THEM4: variants seen among roughly 807,000 people sequenced by gnomAD.
The protein encoded by THEM4 is thioesterase superfamily member 4.
A neutral mutation model predicts 25.0 loss-of-function variants in THEM4; 22 were observed. The ratio of observed to expected loss-of-function variants is 0.88; its 90% confidence interval spans 0.63 to 1.26. The LOEUF is 1.26. Among genes scored for constraint, THEM4 ranks in the 50% most tolerant of loss-of-function variants. The pLI is 0.00. For missense variants in THEM4, 286 were observed against 300.3 expected (o/e 0.95, Z 0.35); for synonymous variants, 113 against 105.6 (o/e 1.07, Z -0.43).
rs183978296 is a variant in THEM4, at chr1:151,877,089, G to C, written c.594C>G (p.Ser198Arg). Residue 198 changes from serine to arginine, a missense_variant, in exon 5 of 6, where the codon AGC becomes AGG. By Grantham distance (110) the Ser-to-Arg change is moderately radical (BLOSUM62 -1). Coordinates refer to ENST00000368814, the MANE Select transcript of THEM4 (RefSeq NM_053055.5). The stretch of plus-strand genomic sequence containing the variant: ...TCCTTCCTTCAACTTTATCAAGTTG[G>C]CTATTTATCATAACAACAGAACAAA... Reference protein sequence around the residue: ...IPLCSVVMINSQLDKVEGRKF... With the variant: ...IPLCSVVMINRQLDKVEGRKF... The C allele has an allele frequency of 6.2e-7, 1 of 1,613,360 alleles. No homozygotes were observed. The highest frequency in any genetic ancestry group is 2.2e-5 in the East Asian group (1 of 44,870).
chr1:151,898,902 A>T (rs900091784), intron 1 of THEM4, among the ~76,000 whole-genome samples: 3 of 152,268 alleles, frequency 2.0e-5, no homozygotes, highest in African/African-American at 7.2e-5. Context: ...CTACATCAGC[A>T]GAACACCCTG....
chr1:151,908,876 G>C (rs1260431960), intron 1 of THEM4, among the ~76,000 whole-genome samples: 11 of 152,108 alleles, frequency 7.2e-5, no homozygotes, highest in Non-Finnish European at 1.3e-4. Context: ...TCTTCTGCCT[G>C]TCTGTGTAGT....
chr1:151,909,448 C>A lies in THEM4; in HGVS notation c.11G>T (p.Ser4Ile). ...CAGCGTGCGGAGGCGCGCGGCGCAG[C>A]TCCTCAGCATGGCTCCGGGCCGCGG... MLR[S>I]CAARLRTLGA... The change falls in exon 1 of 6, where the codon AGC becomes ATC. Residue 4 changes from serine to isoleucine, a missense_variant. By Grantham distance (142) the Ser-to-Ile change is moderately radical (BLOSUM62 -2). Coordinates refer to ENST00000368814, the MANE Select transcript of THEM4 (RefSeq NM_053055.5). 1 of 1,444,834 alleles carries A rather than the reference C, an allele frequency of 6.9e-7. No homozygotes were observed. Among genetic ancestry groups the A allele is most frequent in the South Asian group, 1.4e-5 (1 of 72,076 alleles). 89.5% of individuals were successfully genotyped at this position (1,444,834 alleles called of 1,614,324 possible).
rs984331330 is a variant in THEM4 at position 151,873,203 on chromosome 1, G to C, written c.*1685C>G. ...ACATCTGGGCATAGTACCTTCCCTT[G>C]AACTTATTTGTAACACAGATTCCTT... On this transcript the variant is annotated 3_prime_UTR_variant, in exon 6 of 6. Coordinates refer to ENST00000368814, the MANE Select transcript of THEM4 (RefSeq NM_053055.5). Among the ~76,000 whole-genome samples the C allele has an allele frequency of 6.6e-6, 1 of 152,162 alleles. No homozygotes were observed. Among genetic ancestry groups the C allele is most frequent in the African/African-American group, 2.4e-5 (1 of 41,436 alleles).
Position 151,875,702 on chromosome 1 carries a change from TC to T in THEM4, c.683-775del, listed in dbSNP as rs1653656670. Among the ~76,000 whole-genome samples, 3 of 152,032 alleles carry T rather than the reference TC, an allele frequency of 2.0e-5. No homozygotes were observed. In the South Asian group the frequency reaches 6.2e-4, roughly 32 times the overall value. ...ACACAGGTAATCAGAGAAATGCAAA[TC>T]AAGATCACACCGAGAAGTCATTTTA... On this transcript the variant is annotated intron_variant, in intron 5 of 5. Transcript: ENST00000368814.
intron 4 of THEM4, among the ~76,000 whole-genome samples, chr1:151,880,549 A>G (rs1339260520): frequency 2.0e-5 from 3 of 152,108 alleles, no homozygotes; most frequent in Non-Finnish European, 4.4e-5. Context: ...ACTTCTCCCT[A>G]TGATTATATC....
At chr1:151,885,165 C>CT (rs1653939594) in intron 4 of THEM4, among the ~76,000 whole-genome samples, 1 of 151,830 alleles carries the variant, frequency 6.6e-6, no homozygotes, top group East Asian at 1.9e-4. Context: ...GTTGCCCAGG[C>CT]TGGAGTGCAG....
intron 5 of THEM4, among the ~76,000 whole-genome samples, chr1:151,876,633 G>C (rs904820515): frequency 6.6e-5 from 10 of 151,836 alleles, no homozygotes; most frequent in African/African-American, 2.4e-4. Context: ...ATTTTTTGTA[G>C]AGATGGGGTC....
intron 4 of THEM4, among the ~76,000 whole-genome samples, chr1:151,887,431 A>C (rs1347718990): frequency 6.8e-6 from 1 of 146,710 alleles, no homozygotes; most frequent in African/African-American, 2.5e-5. Context: ...CTTTGTCTCA[A>C]AATAATAATA....
chr1:151,897,846 G>A (rs1281866284), intron 1 of THEM4, among the ~76,000 whole-genome samples: 2 of 152,176 alleles, frequency 1.3e-5, no homozygotes, highest in African/African-American at 4.8e-5. Context: ...TCTGTCTGCA[G>A]GAGAAATTTC....
intron 4 of THEM4, among the ~76,000 whole-genome samples, chr1:151,887,297 G>A (rs1243968710): frequency 6.6e-6 from 1 of 152,058 alleles, no homozygotes; most frequent in Non-Finnish European, 1.5e-5. Context: ...AGCTGTGGTG[G>A]TGCATGCCTG....
At chr1:151,880,501 G>A (rs1653789430) in intron 4 of THEM4, among the ~76,000 whole-genome samples, 1 of 151,804 alleles carries the variant, frequency 6.6e-6, no homozygotes. Flanking sequence ...TGAGAACAAT[G>A]TGTTGGAATC....
chr1:151,877,679 C>A (rs913433765), intron 4 of THEM4, among the ~76,000 whole-genome samples: 1 of 152,178 alleles, frequency 6.6e-6, no homozygotes, highest in Non-Finnish European at 1.5e-5. Flanking sequence ...GCTGTCCAAC[C>A]TGGTAGCCAC....
At chr1:151,883,827 C>T (rs1334308448) in intron 4 of THEM4, among the ~76,000 whole-genome samples, 4 of 152,022 alleles carry the variant, frequency 2.6e-5, no homozygotes, top group African/African-American at 9.7e-5. Flanking sequence ...GTAATCTCAG[C>T]ACTTTGGGAG....
intron 1 of THEM4, among the ~76,000 whole-genome samples, chr1:151,901,152 A>G (rs1558194335): frequency 2.0e-5 from 3 of 152,196 alleles, no homozygotes; most frequent in African/African-American, 7.2e-5. Flanking sequence ...AGGGGCTCTC[A>G]GCTCTGAAGG....
At chr1:151,894,362 C>T (rs187888096) in intron 2 of THEM4, among the ~76,000 whole-genome samples, 1 of 152,104 alleles carries the variant, frequency 6.6e-6, no homozygotes, top group African/African-American at 2.4e-5. Context: ...AAACTATGGA[C>T]CTTAATTAAG....
At position 151,889,223 on chromosome 1, in the gene THEM4, C is replaced by A; in HGVS notation, c.437G>T (p.Gly146Val). 6 of 1,612,306 alleles carry A rather than the reference C, an allele frequency of 3.7e-6. No individual in the cohort carries two copies. The highest frequency in any genetic ancestry group is 5.1e-6 in the Non-Finnish European group (6 of 1,179,738). ...AGGCTATCATTCTTACCCAGGTGGT[C>A]CTTCCAGGTAAGGGCCTCCTTGAAA... Reference protein sequence around the residue: ...CLFQGGPYLEGPPGFIHGGAI... With the variant: ...CLFQGGPYLEVPPGFIHGGAI... The change falls in exon 3 of 6, where the codon GGA (glycine) becomes GTA (valine). Residue 146 changes from glycine to valine, a missense_variant. Gly to Val is a moderately radical substitution (Grantham distance 109). Coordinates refer to ENST00000368814, the MANE Select transcript of THEM4 (RefSeq NM_053055.5).
intron 1 of THEM4, among the ~76,000 whole-genome samples, chr1:151,908,910 C>A (rs1248305285): frequency 6.6e-6 from 1 of 151,958 alleles, no homozygotes; most frequent in Non-Finnish European, 1.5e-5. Context: ...TGTGTGATGT[C>A]TATAAAAAGA....
At chr1:151,876,570 C>T (rs1438571611) in intron 5 of THEM4, among the ~76,000 whole-genome samples, 2 of 151,850 alleles carry the variant, frequency 1.3e-5, no homozygotes, top group East Asian at 1.9e-4. Flanking sequence ...ATCTCAGCCT[C>T]CCAAGTAGCT....
Sources: gnomAD v4.1 joint callset for allele counts (sites outside exome capture counted in the v4.1 genomes callset) on GRCh38, gnomAD v4.1.1 for gene constraint, MANE v1.5 for transcripts, NCBI Gene and HGNC (gene_info 2026-07-23, HGNC 2026-07-21) for gene names.